NLRP2: variants seen among roughly 807,000 people sequenced by gnomAD.
NLRP2 encodes NLR family pyrin domain containing 2.
Under a neutral mutation model 97.2 loss-of-function variants are expected in NLRP2, and 107 were observed. The observed-to-expected ratio is 1.10, with a 90% CI of 0.94 to 1.29. The LOEUF is 1.29. Ranked by LOEUF, NLRP2 falls within the 50% of genes most tolerant of loss-of-function variation. The probability of loss-of-function intolerance (pLI) is 0.00; values close to 1 mark genes in which losing one functional copy is unlikely to be tolerated. For missense variants in NLRP2, 1,495 were observed against 1,330.3 expected, an observed-to-expected ratio of 1.12 and a Z score of -1.93; for synonymous variants, 663 against 551.5, an observed-to-expected ratio of 1.20 and a Z score of -2.83.
intron 3 of NLRP2, among the ~76,000 whole-genome samples, chr19:54,975,121 T>TG (rs2071130899): frequency 2.4e-5 from 2 of 83,918 alleles, no homozygotes; most frequent in African/African-American, 5.4e-5. Flanking sequence ...TTTTTTTTTT[T>TG]TTTTTTTTTT....
chr19:54,976,554 C>T (rs150013645), intron 3 of NLRP2, among the ~76,000 whole-genome samples: 280 of 152,148 alleles, frequency 1.8e-3, no homozygotes, highest in African/African-American at 6.5e-3. Context: ...ACCATGTTGG[C>T]CAGGCTGGTC....
rs199950016 is a variant in NLRP2, at chr19:54,966,849, T to TC, written c.-18+382_-18+383insC. 9.1e-3 allele frequency among the ~76,000 whole-genome samples: 1,168 copies of TC among 128,740 alleles called. 6 individuals carry two copies. Among genetic ancestry groups the TC allele is most frequent in the Non-Finnish European group, 0.014 (827 of 60,356 alleles). The allele number at this position is 128,740 out of a possible 152,430, so 84.5% of individuals were successfully genotyped here. ...CCTTTTTTTTTTTTTTTTTTTTTTT[T>TC]TTCTTCTCTTTTTTGAGGGTCTTAC... On this transcript the variant is annotated intron_variant, in intron 1 of 12. Transcript: ENST00000448584.
At position 54,983,404 on chromosome 19, in the gene NLRP2, TGGA is replaced by T. The variant is rs765945686; in HGVS notation, c.1709_1711del (p.Glu570del). ...GCTAACGAGAAGAGAGCCAAGGAGT[TGGA>T]GGCCACTTTTGGCTGCCGGATGTCA... On this transcript the variant is annotated inframe_deletion, in exon 6 of 13. Coordinates refer to ENST00000448584, the MANE Select transcript of NLRP2 (RefSeq NM_017852.5). 7 of 1,614,064 alleles carry T rather than the reference TGGA, an allele frequency of 4.3e-6. No individual in the cohort carries two copies. The highest frequency in any genetic ancestry group is 2.2e-5 in the East Asian group (1 of 44,894).
intron 4 of NLRP2, among the ~76,000 whole-genome samples, chr19:54,981,044 G>A (rs145487769): frequency 6.6e-6 from 1 of 152,178 alleles, no homozygotes; most frequent in Non-Finnish European, 1.5e-5. Flanking sequence ...CCGGGAGGCG[G>A]AGGTTGCAGT....
rs753311022 is a variant in NLRP2 at position 54,994,439 on chromosome 19, G to T, written c.2879G>T (p.Trp960Leu). ...RKPLCNLRCL[W>L]LWGCSIPPFS... ...CCACTGTGCAACTTGAGATGTCTGT[G>T]GTGAGTTAACTTATAAGTTCAACTT... Residue 960 changes from tryptophan (W) to leucine (L), a missense_variant and splice_region_variant, in exon 11 of 13, where the codon TGG becomes TTG. Trp to Leu is a moderately conservative substitution (Grantham distance 61, BLOSUM62 -2). Transcript: ENST00000448584. 4 of 1,612,388 alleles carry T rather than the reference G, an allele frequency of 2.5e-6. No homozygotes were observed. The highest frequency in any genetic ancestry group is 3.4e-6 in the Non-Finnish European group (4 of 1,179,970).
At position 55,000,843 on chromosome 19, in the gene NLRP2, C is replaced by T. The variant is rs2073150232; in HGVS notation, c.3134C>T (p.Thr1045Ile). ...EEKNPQLIID[T>I]EKHHPWAERP... ...AAAAACCCACAACTGATTATTGATA[C>T]TGAGAAACATCATCCCTGGGCAGAA... is the stretch of plus-strand genomic sequence containing the variant. Residue 1045 changes from threonine to isoleucine, a missense_variant, in exon 13 of 13, where the codon ACT becomes ATT. By Grantham distance (89) the Thr-to-Ile change is moderately conservative. Coordinates refer to ENST00000448584, the MANE Select transcript of NLRP2 (RefSeq NM_017852.5). The T allele has an allele frequency of 1.2e-6, 2 of 1,613,138 alleles. No homozygotes were observed. Among genetic ancestry groups the T allele is most frequent in the African/African-American group, 1.3e-5 (1 of 74,990 alleles).
intron 2 of NLRP2, among the ~76,000 whole-genome samples, chr19:54,970,770 C>CTTTT (rs34406686): frequency 1.4e-3 from 150 of 108,448 alleles, no homozygotes; most frequent in Middle Eastern, 0.01. Context: ...CTACCTACTT[C>CTTTT]TTTTTTTTTT....
intron 3 of NLRP2, among the ~76,000 whole-genome samples, chr19:54,976,041 A>G (rs1602327066): frequency 6.9e-6 from 1 of 145,056 alleles, no homozygotes; most frequent in African/African-American, 2.5e-5. Flanking sequence ...GATTCACCAC[A>G]CCTGGCCATG....
chr19:54,990,229 C>A, intron 9 of NLRP2, 37 bp downstream of exon 9: 1 of 1,603,036 alleles, frequency 6.2e-7, no homozygotes, highest in South Asian at 1.1e-5. Context: ...GCTGTGCTTT[C>A]GATCTGGGGC....
intron 8 of NLRP2, 77 bp from the exon 9 acceptor site, chr19:54,989,945 T>C (rs2072346656): frequency 6.5e-7 from 1 of 1,534,896 alleles, no homozygotes; most frequent in Middle Eastern, 2.3e-4. Flanking sequence ...GAGCCGAGAT[T>C]GCGCCACCTG....
In NLRP2 at chr19:54,983,659, C is replaced by CA; in HGVS notation, c.1962dup (p.Leu655ThrfsTer16). On this transcript the variant is annotated frameshift_variant, in exon 6 of 13. Transcript: ENST00000448584. LOFTEE classifies it high-confidence loss of function. The stretch of plus-strand genomic sequence containing the variant: ...CACTGTCGAAACCTGCAGAAAATGT[C>CA]ACTGCAGGTAATAAAGGAGAATCTC... 6.2e-7 allele frequency: 1 copy of CA among 1,614,046 alleles called. No homozygotes were observed. Among genetic ancestry groups the CA allele is most frequent in the South Asian group, 1.1e-5 (1 of 91,068 alleles).
chr19:54,984,485 CTTTTT>C (rs36061621), intron 6 of NLRP2, among the ~76,000 whole-genome samples: 1 of 76,914 alleles, frequency 1.3e-5, no homozygotes, highest in Non-Finnish European at 2.3e-5. Context: ...TATTCCCAAT[CTTTTT>C]TTTTTTTTTT....
chr19:54,981,510 C>CCCCCCCCCCCCCCCCCCCCCCCA lies in NLRP2; in HGVS notation c.398-101_398-100insCCCCCCCCCCCCCCCCACCCCCC. The CCCCCCCCCCCCCCCCCCCCCCCA allele has an allele frequency of 1.2e-5, 3 of 248,188 alleles. 1 individual carries two copies. Among genetic ancestry groups the CCCCCCCCCCCCCCCCCCCCCCCA allele is most frequent in the African/African-American group, 5.4e-5 (2 of 37,132 alleles). 15.4% of individuals were successfully genotyped at this position (248,188 alleles called of 1,614,324 possible). A position where few individuals can be genotyped will look rare whatever the true frequency, so the allele number is the denominator to read the frequency against. On this transcript the variant is annotated intron_variant, in intron 4 of 12. Transcript: ENST00000448584. ...CTTATTTGCTTTATCTGATCCCGTG[C>CCCCCCCCCCCCCCCCCCCCCCCA]CCCCCCTCCCCCCCGCCCCATCAGC...
intron 1 of NLRP2, among the ~76,000 whole-genome samples, chr19:54,966,848 TTTTCTTC>T: frequency 7.4e-6 from 1 of 134,990 alleles, no homozygotes; most frequent in Non-Finnish European, 1.6e-5. Flanking sequence ...TTTTTTTTTT[TTTTCTTC>T]TCTTTTTTGA....
intron 8 of NLRP2, among the ~76,000 whole-genome samples, chr19:54,987,736 T>A: frequency 8.8e-6 from 1 of 113,888 alleles, no homozygotes; most frequent in Non-Finnish European, 1.8e-5. Context: ...TGTGAGACTG[T>A]CTCAAAAAAA....
chr19:54,992,574 G>GTTT (rs71181722), intron 10 of NLRP2, among the ~76,000 whole-genome samples: 50 of 94,984 alleles, frequency 5.3e-4, no homozygotes, highest in African/African-American at 1.6e-3. Flanking sequence ...TTTTTTTTTG[G>GTTT]TTTTTTTTTT....
At position 54,983,839 on chromosome 19, in the gene NLRP2, C is replaced by G. The variant is rs965593058; in HGVS notation, c.2030+111C>G. ...TGTGGCTTAGGGTCAGGAATTCCCT[C>G]TTGTTGGACTCTTTGTTTGTTTTTG... On this transcript the variant is annotated intron_variant, in intron 6 of 12. Transcript: ENST00000448584. 2.1e-6 allele frequency: 3 copies of G among 1,422,896 alleles called. No homozygotes were observed. In the East Asian group the frequency reaches 6.9e-5, roughly 32 times the overall value. 88.1% of individuals were successfully genotyped at this position (1,422,896 alleles called of 1,614,324 possible).
chr19:54,994,244 C>T (rs1160401769), intron 10 of NLRP2, 25 bp from the exon 11 acceptor site: 5 of 1,613,636 alleles, frequency 3.1e-6, no homozygotes, highest in Non-Finnish European at 4.2e-6. Flanking sequence ...TTCGGGTTTG[C>T]TTTCTTCCTG....
In NLRP2 at chr19:54,982,800, T is replaced by C. The variant is rs1189789284; in HGVS notation, c.1102T>C (p.Phe368Leu). 2.3e-5 allele frequency: 37 copies of C among 1,613,822 alleles called. No homozygotes were observed. Among genetic ancestry groups the C allele is most frequent in the Non-Finnish European group, 3.1e-5 (37 of 1,179,992 alleles). ...CCTGGAGGAGGACAGGAGGGCCTAT[T>C]TCCTGAGACACTTTGGAGACGAGGA... The part of the protein sequence containing the change: ...GFLEEDRRAY[F>L]LRHFGDEDQA... The change falls in exon 6 of 13, where the codon TTC (phenylalanine) becomes CTC (leucine). Residue 368 changes from phenylalanine to leucine, a missense_variant. Phe to Leu is a conservative substitution (Grantham distance 22). Coordinates refer to ENST00000448584, the MANE Select transcript of NLRP2 (RefSeq NM_017852.5).
Sources: allele counts gnomAD v4.1 joint callset (sites outside exome capture counted in the v4.1 genomes callset), GRCh38; gene constraint gnomAD v4.1.1; transcripts MANE v1.5; gene names NCBI Gene and HGNC (gene_info 2026-07-23, HGNC 2026-07-21).